SLC9D1: variants seen among roughly 807,000 people sequenced by gnomAD.
SLC9D1 encodes the protein solute carrier family 9 member D1.
the SLC9D1 span, chr13:113,503,448 A>C: frequency 6.9e-7 from 1 of 1,458,806 alleles, no homozygotes; most frequent in Non-Finnish European, 9.6e-7. Flanking sequence ...AGTATACTTA[A>C]TATGTTAAAC....
At chr13:113,519,041 T>A in the SLC9D1 span, among the ~76,000 whole-genome samples, 1 of 142,228 alleles carries the variant, frequency 7.0e-6, no homozygotes, top group Non-Finnish European at 1.5e-5. Flanking sequence ...TTGATAACAG[T>A]AGCTTTTTTT....
chr13:113,513,916 GTGGATA>G, the SLC9D1 span, among the ~76,000 whole-genome samples: 5 of 152,222 alleles, frequency 3.3e-5, no homozygotes, highest in Admixed American at 3.3e-4. Flanking sequence ...GGATGTCCCG[GTGGATA>G]GCAGCACCAC....
chr13:113,537,518 A>G, the SLC9D1 span, among the ~76,000 whole-genome samples: 1 of 152,114 alleles, frequency 6.6e-6, no homozygotes, highest in African/African-American at 2.4e-5. Context: ...AGCATGTCAG[A>G]TATGTTTTTG....
chr13:113,518,179 T>C, the SLC9D1 span, among the ~76,000 whole-genome samples: 1 of 152,152 alleles, frequency 6.6e-6, no homozygotes, highest in Non-Finnish European at 1.5e-5. Flanking sequence ...AATATTTCAG[T>C]GTGGTAATAT....
chr13:113,501,459 T>C, the SLC9D1 span, among the ~76,000 whole-genome samples: 27,921 of 152,140 alleles, frequency 0.18, 3,369 homozygotes, highest in African/African-American at 0.34. Context: ...CATCCGAGGA[T>C]TCTGGTCTGG....
the SLC9D1 span, among the ~76,000 whole-genome samples, chr13:113,507,169 G>A: frequency 6.6e-6 from 1 of 152,048 alleles, no homozygotes; most frequent in East Asian, 1.9e-4. Flanking sequence ...CCTCTCACCC[G>A]TTGCCGAGCC....
At chr13:113,547,177 C>G in the SLC9D1 span, 4 of 774,872 alleles carry the variant, frequency 5.2e-6, no homozygotes, top group East Asian at 1.1e-4. Context: ...CACACGTGCA[C>G]TTGGGAGGAT....
the SLC9D1 span, among the ~76,000 whole-genome samples, chr13:113,523,215 A>G: frequency 6.6e-6 from 1 of 152,078 alleles, no homozygotes; most frequent in African/African-American, 2.4e-5. Flanking sequence ...TTTTCTGGAA[A>G]ACATTGTATA....
At chr13:113,548,441 A>G in the SLC9D1 span, 2 of 1,608,604 alleles carry the variant, frequency 1.2e-6, no homozygotes, top group Non-Finnish European at 1.7e-6. Context: ...AGCGGGCGTC[A>G]TCTCTCGGGA....
the SLC9D1 span, chr13:113,548,441 A>ATC: frequency 6.2e-7 from 1 of 1,608,604 alleles, no homozygotes; most frequent in Non-Finnish European, 8.5e-7. Context: ...AGCGGGCGTC[A>ATC]TCTCTCGGGA....
the SLC9D1 span, chr13:113,520,702 C>A: frequency 1.2e-5 from 19 of 1,613,868 alleles, no homozygotes; most frequent in East Asian, 4.2e-4. Context: ...CATGCCGACT[C>A]TCATACAGGC....
chr13:113,519,732 C>T, the SLC9D1 span, among the ~76,000 whole-genome samples: 3 of 150,414 alleles, frequency 2.0e-5, no homozygotes, highest in East Asian at 3.9e-4. Flanking sequence ...GGCTTGGGTG[C>T]GTCTGCACCA....
the SLC9D1 span, chr13:113,510,200 T>C: frequency 6.3e-7 from 1 of 1,583,416 alleles, no homozygotes; most frequent in South Asian, 1.1e-5. Context: ...TTGCCTGTTG[T>C]CACTAAAAAG....
chr13:113,541,651 T>A, the SLC9D1 span, among the ~76,000 whole-genome samples: 1 of 140,626 alleles, frequency 7.1e-6, no homozygotes, highest in African/African-American at 2.7e-5. Flanking sequence ...ACTGCCATGC[T>A]TTATTACCGC....
At chr13:113,503,344 ATTGTGTGT>A in the SLC9D1 span, 1 of 402,938 alleles carries the variant, frequency 2.5e-6, no homozygotes, top group Non-Finnish European at 4.1e-6. Context: ...ACACTGTGTG[ATTGTGTGT>A]GTGTGTGTGT....
chr13:113,510,514 A>G, the SLC9D1 span: 1 of 1,297,808 alleles, frequency 7.7e-7, no homozygotes, highest in Admixed American at 2.1e-5. Flanking sequence ...GTGAGGAAAA[A>G]TTGCAAAGTC....
the SLC9D1 span, among the ~76,000 whole-genome samples, chr13:113,530,835 T>A: frequency 1.3e-5 from 2 of 152,188 alleles, no homozygotes; most frequent in Admixed American, 1.3e-4. Context: ...AAAATATGAA[T>A]AACTGAGTTT....
At chr13:113,522,514 G>T in the SLC9D1 span, among the ~76,000 whole-genome samples, 1 of 152,086 alleles carries the variant, frequency 6.6e-6, no homozygotes, top group African/African-American at 2.4e-5. Context: ...CCAATTTTTT[G>T]TATTTTTAGT....
chr13:113,534,066 A>C, the SLC9D1 span: 2 of 1,606,536 alleles, frequency 1.2e-6, no homozygotes, highest in African/African-American at 1.3e-5. Context: ...AAGTTCTCCG[A>C]ATCCTGGTTT....
Sources: gnomAD v4.1 joint callset for allele counts (sites outside exome capture counted in the v4.1 genomes callset) on GRCh38, gnomAD v4.1.1 for gene constraint, MANE v1.5 for transcripts, NCBI Gene and HGNC (gene_info 2026-07-23, HGNC 2026-07-21) for gene names.